The following ADGRL2 variants were observed in gnomAD, a reference collection of about 807,000 sequenced individuals.
ADGRL2 encodes the protein adhesion G protein-coupled receptor L2, also known as calcium-independent alpha-latrotoxin receptor 2.
In ADGRL2, 44 loss-of-function variants were observed where a neutral mutation model predicts 157.4. The observed-to-expected ratio is 0.28, with a 90% confidence interval of 0.22 to 0.36. ADGRL2 has a LOEUF of 0.36. Ranked by LOEUF, ADGRL2 falls within the 10% of genes least tolerant of loss-of-function variation. The probability of loss-of-function intolerance (pLI) is 1.00; values close to 1 mark genes in which losing one functional copy is unlikely to be tolerated. For missense variants in ADGRL2, 1,510 were observed against 1,768.9 expected, an observed-to-expected ratio of 0.85 and a Z score of 2.63; for synonymous variants, 585 against 624.7, an observed-to-expected ratio of 0.94 and a Z score of 0.95.
At chr1:81,769,956 CAGGTTCA>C (rs1277154318) in intron 2 of ADGRL2, among the ~76,000 whole-genome samples, 1 of 151,798 alleles carries the variant, frequency 6.6e-6, no homozygotes, top group Non-Finnish European at 1.5e-5. Context: ...CTCCACCCCT[CAGGTTCA>C]AGTGATTCTC....
At chr1:81,602,123 A>AC (rs2081344152) in intron 3 of ADGRL2, among the ~76,000 whole-genome samples, 1 of 152,070 alleles carries the variant, frequency 6.6e-6, no homozygotes, top group African/African-American at 2.4e-5. Flanking sequence ...TTAAACAAAA[A>AC]AAAATTAAAA....
intron 2 of ADGRL2, among the ~76,000 whole-genome samples, chr1:81,447,644 AG>A (rs1439396783): frequency 5.9e-5 from 9 of 152,218 alleles, no homozygotes; most frequent in Admixed American, 5.9e-4. Context: ...AAATGGATGA[AG>A]GGACCTCAAA....
chr1:81,610,561 A>G (rs2081521313), intron 3 of ADGRL2, among the ~76,000 whole-genome samples: 1 of 152,174 alleles, frequency 6.6e-6, no homozygotes, highest in Non-Finnish European at 1.5e-5. Context: ...ATGGGAATTT[A>G]TTGCAGAGTT....
At chr1:81,784,419 G>C (rs1378920696) in intron 2 of ADGRL2, among the ~76,000 whole-genome samples, 1 of 152,154 alleles carries the variant, frequency 6.6e-6, no homozygotes, top group East Asian at 1.9e-4. Context: ...AAAGATTACA[G>C]CTATGAATAG....
At chr1:81,376,394 C>G (rs2076250476) in intron 1 of ADGRL2, among the ~76,000 whole-genome samples, 1 of 152,060 alleles carries the variant, frequency 6.6e-6, no homozygotes, top group South Asian at 2.1e-4. Context: ...TGGAGGCAGC[C>G]CAAATGCCAT....
chr1:81,417,114 C>T (rs1229731233), intron 1 of ADGRL2, among the ~76,000 whole-genome samples: 2 of 152,136 alleles, frequency 1.3e-5, no homozygotes, highest in Non-Finnish European at 2.9e-5. Flanking sequence ...CTATAAAATA[C>T]AATTTAAATT....
chr1:81,988,180 T>C (rs1322430331), intron 23 of ADGRL2, among the ~76,000 whole-genome samples: 1 of 152,196 alleles, frequency 6.6e-6, no homozygotes, highest in Non-Finnish European at 1.5e-5. Flanking sequence ...AATTGACTTA[T>C]CATTTCTGCA....
At chr1:81,455,789 C>T (rs140895122) in intron 2 of ADGRL2, among the ~76,000 whole-genome samples, 3 of 152,050 alleles carry the variant, frequency 2.0e-5, no homozygotes, top group Non-Finnish European at 4.4e-5. Flanking sequence ...GAATTTGAAA[C>T]GTGAAAGACA....
At chr1:81,723,332 A>T (rs531854343) in intron 1 of ADGRL2, among the ~76,000 whole-genome samples, 1 of 152,214 alleles carries the variant, frequency 6.6e-6, no homozygotes, top group Non-Finnish European at 1.5e-5. Flanking sequence ...GAAGCATTTT[A>T]TGGTGGTTTG....
At chr1:81,427,004 A>G (rs1197129106) in intron 1 of ADGRL2, 2 of 960,048 alleles carry the variant, frequency 2.1e-6, no homozygotes. Context: ...TAACATTGTT[A>G]TTCAGAAATA....
chr1:81,681,653 G>A (rs2083116472), intron 3 of ADGRL2, among the ~76,000 whole-genome samples: 1 of 152,212 alleles, frequency 6.6e-6, no homozygotes, highest in South Asian at 2.1e-4. Flanking sequence ...AGCTGTGTAA[G>A]TTTTCATTAA....
At chr1:81,838,192 G>A (rs1476058093) in intron 2 of ADGRL2, among the ~76,000 whole-genome samples, 1 of 151,894 alleles carries the variant, frequency 6.6e-6, no homozygotes, top group Admixed American at 6.6e-5. Context: ...AATTTTACTT[G>A]AATTGCTTGT....
At chr1:81,832,142 C>T (rs1223330233) in intron 1 of ADGRL2, among the ~76,000 whole-genome samples, 1 of 151,964 alleles carries the variant, frequency 6.6e-6, no homozygotes, top group Non-Finnish European at 1.5e-5. Flanking sequence ...TTCCTCCGAA[C>T]TTTCTTTTCT....
chr1:81,311,579 C>T (rs1330102792), intron 1 of ADGRL2, among the ~76,000 whole-genome samples: 1 of 152,080 alleles, frequency 6.6e-6, no homozygotes, highest in East Asian at 1.9e-4. Context: ...TTGTAAAAAT[C>T]GAGTTAGCTT....
intron 2 of ADGRL2, among the ~76,000 whole-genome samples, chr1:81,490,165 C>T (rs1478309404): frequency 2.1e-5 from 3 of 140,824 alleles, no homozygotes; most frequent in African/African-American, 5.3e-5. Context: ...GAGTTTCGCT[C>T]TTGTTGCCCA....
chr1:81,891,483 A>G (rs1177226390), intron 2 of ADGRL2, among the ~76,000 whole-genome samples: 2 of 152,140 alleles, frequency 1.3e-5, no homozygotes, highest in African/African-American at 4.8e-5. Context: ...TAAAACAGCC[A>G]TACAAACAAA....
intron 23 of ADGRL2, chr1:81,989,835 C>CT (rs991133650): frequency 2.1e-5 from 29 of 1,396,990 alleles, no homozygotes; most frequent in Middle Eastern, 1.9e-4. Flanking sequence ...TGTTTTCATT[C>CT]TTTTTTTTAC....
intron 2 of ADGRL2, among the ~76,000 whole-genome samples, chr1:81,876,780 G>GA (rs1463015604): frequency 6.6e-6 from 1 of 152,130 alleles, no homozygotes; most frequent in East Asian, 1.9e-4. Context: ...TCAGACTAGA[G>GA]AAAAATTATT....
intron 3 of ADGRL2, among the ~76,000 whole-genome samples, chr1:81,601,533 TTCCCCATG>T (rs2081333309): frequency 6.6e-6 from 1 of 152,194 alleles, no homozygotes; most frequent in Non-Finnish European, 1.5e-5. Flanking sequence ...ACAACCCCTC[TTCCCCATG>T]TCCTTGTGGA....
Sources: gnomAD v4.1 joint callset for allele counts (sites outside exome capture counted in the v4.1 genomes callset) on GRCh38, gnomAD v4.1.1 for gene constraint, MANE v1.5 for transcripts, NCBI Gene and HGNC (gene_info 2026-07-23, HGNC 2026-07-21) for gene names.